SEZ6: variants seen among roughly 807,000 people sequenced by gnomAD.
SEZ6 encodes seizure protein 6 homolog.
Under a neutral mutation model 101.0 loss-of-function variants are expected in SEZ6, and 53 were observed. That is an observed-to-expected ratio of 0.52 (90% CI 0.42 to 0.66). SEZ6 has a LOEUF of 0.66. SEZ6 is among the 30% of genes least tolerant of loss of function. The pLI is 0.00. For synonymous variants in SEZ6, 488 were observed against 512.2 expected (o/e 0.95, Z 0.64); for missense variants, 1,102 against 1,289.4 (o/e 0.85, Z 2.23).
intron 3 of SEZ6, among the ~76,000 whole-genome samples, chr17:28,974,549 C>T (rs2041196579): frequency 6.6e-6 from 1 of 152,214 alleles, no homozygotes; most frequent in Non-Finnish European, 1.5e-5. Context: ...ATAAGGGAGG[C>T]AGGGCAGGCT....
intron 1 of SEZ6, among the ~76,000 whole-genome samples, chr17:28,989,487 T>C (rs570409659): frequency 1.4e-4 from 22 of 152,304 alleles, no homozygotes; most frequent in African/African-American, 4.3e-4. Context: ...CCCTGTCCAA[T>C]AGACCTTTGT....
In SEZ6 at chr17:29,005,779, GC is replaced by G. The variant is rs1183919480; in HGVS notation, c.55+35del. ...TTCCCACCCCTGGGGCCCCGCTCCC[GC>G]CCCCGTCCTGCCGCCGGATGCCGGG... On this transcript the variant is annotated intron_variant, in intron 1 of 16. Coordinates refer to ENST00000317338, the MANE Select transcript of SEZ6 (RefSeq NM_178860.5). The surrounding 1 kb of genome is among the most constrained non-coding windows in gnomAD (Gnocchi z 4.8). The G allele has an allele frequency of 6.8e-7, 1 of 1,473,788 alleles. No individual in the cohort carries two copies. The highest frequency in any genetic ancestry group is 9.0e-7 in the Non-Finnish European group (1 of 1,111,730). The allele number at this position is 1,473,788 out of a possible 1,614,324, so 91.3% of individuals were successfully genotyped here.
chr17:28,992,298 C>A (rs958774767), intron 1 of SEZ6, among the ~76,000 whole-genome samples: 2 of 152,196 alleles, frequency 1.3e-5, no homozygotes, highest in African/African-American at 4.8e-5. Context: ...TCTGCCTGTT[C>A]CATAGCCTGG....
intron 4 of SEZ6, among the ~76,000 whole-genome samples, chr17:28,968,198 T>A (rs1047559444): frequency 6.6e-6 from 1 of 152,236 alleles, no homozygotes; most frequent in African/African-American, 2.4e-5. Flanking sequence ...ACGCTCCTCC[T>A]GTTCCCATCT....
At chr17:28,979,995 C>A (rs1439882448) in intron 2 of SEZ6, among the ~76,000 whole-genome samples, 182 bp from the exon 3 acceptor site, 1 of 150,906 alleles carries the variant, frequency 6.6e-6, no homozygotes, top group Non-Finnish European at 1.5e-5. Context: ...TAGGCACCTA[C>A]CATGTGCAAT....
In SEZ6 at chr17:28,979,753, C is replaced by T. The variant is rs772219310; in HGVS notation, c.785G>A (p.Ser262Asn). 1.2e-6 allele frequency: 2 copies of T among 1,613,748 alleles called. No individual in the cohort carries two copies. The highest frequency in any genetic ancestry group is 2.2e-5 in the East Asian group (1 of 44,868). ...GTCCAGGCCAACATCAGTGGGGGAG[C>T]TGAGGTCTGTAGGGGAGTCCAGAGA... The part of the protein sequence containing the change: ...EGSLDSPTDL[S>N]SPTDVGLDCF... The change falls in exon 3 of 17, where the codon AGC (serine) becomes AAC (asparagine). Residue 262 changes from serine to asparagine, a missense_variant. By Grantham distance (46) the Ser-to-Asn change is conservative. Transcript: ENST00000317338.
intron 1 of SEZ6, among the ~76,000 whole-genome samples, chr17:28,997,927 A>G (rs1188105601): frequency 1.3e-5 from 2 of 151,878 alleles, no homozygotes; most frequent in South Asian, 4.2e-4. Context: ...CTTGAGCACA[A>G]CTTGGCTCCC....
intron 16 of SEZ6, 49 bp downstream of exon 16, chr17:28,956,110 C>T (rs764667365): frequency 4.4e-6 from 7 of 1,598,752 alleles, no homozygotes; most frequent in Non-Finnish European, 6.0e-6. Flanking sequence ...CCCAAAGAAG[C>T]AAAGAACTGG....
At position 28,956,169 on chromosome 17, in the gene SEZ6, T is replaced by A; in HGVS notation, c.2942A>T (p.Tyr981Phe). 1 of 1,460,396 alleles carries A rather than the reference T, an allele frequency of 6.8e-7. No homozygotes were observed. The highest frequency in any genetic ancestry group is 9.2e-7 in the Non-Finnish European group (1 of 1,089,512). The allele number at this position is 1,460,396 out of a possible 1,614,324, so 90.5% of individuals were successfully genotyped here. The change falls in exon 16 of 17, where the codon TAC (tyrosine) becomes TTC (phenylalanine). Residue 981 changes from tyrosine (Y) to phenylalanine (F), a missense_variant. Coordinates refer to ENST00000317338, the MANE Select transcript of SEZ6 (RefSeq NM_178860.5). Reference protein sequence around the residue: ...TIESAFDNPTYETGSLSFAGD... With the variant: ...TIESAFDNPTFETGSLSFAGD... Reference sequence around the variant, plus strand: ...GGCATGGTTACTTACTCCAGTCTCGTAAGTTGGATTGTCAAACGCTGACTC... The same window carrying A: ...GGCATGGTTACTTACTCCAGTCTCGAAAGTTGGATTGTCAAACGCTGACTC...
At chr17:28,988,008 C>G (rs2041405997) in intron 1 of SEZ6, among the ~76,000 whole-genome samples, 1 of 152,198 alleles carries the variant, frequency 6.6e-6, no homozygotes, top group Admixed American at 6.5e-5. Context: ...GCCAGGAGCC[C>G]TGCAGCTTGG....
intron 5 of SEZ6, among the ~76,000 whole-genome samples, chr17:28,962,170 G>C (rs994913109): frequency 1.3e-5 from 2 of 152,146 alleles, no homozygotes; most frequent in African/African-American, 4.8e-5. Context: ...TTCACTGTGT[G>C]CTCACTATCT....
At position 28,978,154 on chromosome 17, in the gene SEZ6, G is replaced by C. The variant is rs186438952; in HGVS notation, c.858+1526C>G. 5.3e-5 allele frequency among the ~76,000 whole-genome samples: 8 copies of C among 152,322 alleles called. No homozygotes were observed. The East Asian group carries it at 1.4e-3, about 26-fold the overall frequency. The stretch of plus-strand genomic sequence containing the variant: ...GGACATGCAGGAATTGGAATGGGCG[G>C]GAAGCAGAACAGAAGGCAGGGAGCA... On this transcript the variant is annotated intron_variant, in intron 3 of 16. Coordinates refer to ENST00000317338, the MANE Select transcript of SEZ6 (RefSeq NM_178860.5).
chr17:28,989,998 G>A (rs1344792656), intron 1 of SEZ6, among the ~76,000 whole-genome samples: 1 of 152,130 alleles, frequency 6.6e-6, no homozygotes, highest in Non-Finnish European at 1.5e-5. Context: ...CTTGAATCTG[G>A]GAGGCGGAGG....
intron 15 of SEZ6, 27 bp from the exon 16 acceptor site, chr17:28,956,288 A>G: frequency 6.3e-7 from 1 of 1,593,726 alleles, no homozygotes; most frequent in Non-Finnish European, 8.5e-7. Context: ...CCTGCAAGTC[A>G]GGAGCACTGG....
chr17:28,993,824 C>T (rs1412442765), intron 1 of SEZ6, among the ~76,000 whole-genome samples: 1 of 152,258 alleles, frequency 6.6e-6, no homozygotes, highest in African/African-American at 2.4e-5. Context: ...AAGGCCACAC[C>T]ACTGAGGCTG....
intron 1 of SEZ6, among the ~76,000 whole-genome samples, chr17:28,993,552 C>CT (rs1432038528): frequency 6.6e-6 from 1 of 152,192 alleles, no homozygotes; most frequent in African/African-American, 2.4e-5. Context: ...TGCATTCTCC[C>CT]TAGAGCCAGT....
Position 28,969,907 on chromosome 17 carries a change from C to T in SEZ6, c.904G>A (p.Gly302Ser), listed in dbSNP as rs747868393. Residue 302 changes from glycine (G) to serine (S), a missense_variant, in exon 4 of 17, where the codon GGC becomes AGC. By Grantham distance (56) the Gly-to-Ser change is moderately conservative (BLOSUM62 0). Around this residue, in one of 3 missense-constraint regions of SEZ6, gnomAD observed 406 missense variants for 418.6 expected, o/e 0.97. Transcript: ENST00000317338. ...LREGETVTVEGLGGPDPLPLA... is the reference protein window; with the variant it reads ...LREGETVTVESLGGPDPLPLA... ...GGCAGTGGGTCAGGCCCCCCCAGGC[C>T]TTCCACAGTCACTGTCTCCCCTTCC... 12 of 1,546,440 alleles carry T rather than the reference C, an allele frequency of 7.8e-6. No homozygotes were observed. Among genetic ancestry groups the T allele is most frequent in the Non-Finnish European group, 9.5e-6 (11 of 1,154,224 alleles).
At position 28,960,662 on chromosome 17, in the gene SEZ6, A is replaced by G; in HGVS notation, c.1419T>C (p.Ile473=). 1 of 1,607,396 alleles carries G rather than the reference A, an allele frequency of 6.2e-7. No individual in the cohort carries two copies. Among genetic ancestry groups the G allele is most frequent in the Non-Finnish European group, 8.5e-7 (1 of 1,176,840 alleles). The change falls in exon 7 of 17, where the codon ATT becomes ATC. Residue 473 remains isoleucine, a synonymous_variant. Coordinates refer to ENST00000317338, the MANE Select transcript of SEZ6 (RefSeq NM_178860.5). ...SLAEDDDRLI[I]RNGDNVEAPP... ...GGGCCTCCACGTTGTCCCCATTGCG[A>G]ATGATGAGCCTGAACCAGGAGAGTG...
chr17:28,992,556 A>C (rs1488167943), intron 1 of SEZ6, among the ~76,000 whole-genome samples: 1 of 152,122 alleles, frequency 6.6e-6, no homozygotes, highest in Non-Finnish European at 1.5e-5. Flanking sequence ...CCCCAAAAGA[A>C]GGGATATATT....
Sources: gnomAD v4.1 joint callset for allele counts (sites outside exome capture counted in the v4.1 genomes callset) on GRCh38, gnomAD v4.1.1 for gene constraint, gnomAD v4.1.1 regional missense constraint, Gnocchi (gnomAD v3.1) non-coding constraint, MANE v1.5 for transcripts, NCBI Gene and HGNC (gene_info 2026-07-23, HGNC 2026-07-21) for gene names.